PSMD13: variants seen among roughly 807,000 people sequenced by gnomAD.
PSMD13 encodes the protein proteasome 26S subunit, non-ATPase 13, also known as 26S proteasome non-ATPase regulatory subunit 13.
PSMD13 carries 8 observed loss-of-function variants against 57.4 expected under a neutral mutation model. The ratio of observed to expected loss-of-function variants is 0.14; its 90% CI spans 0.08 to 0.25. The LOEUF is 0.25. Among genes scored for constraint, PSMD13 ranks in the 10% least tolerant of loss-of-function variants. PSMD13 has a pLI of 1.00. For synonymous variants in PSMD13, 193 were observed against 168.2 expected, an observed-to-expected ratio of 1.15 and a Z score of -1.14; for missense variants, 400 against 461.5, an observed-to-expected ratio of 0.87 and a Z score of 1.22.
chr11:237,090 C>G lies in PSMD13; in HGVS notation c.41C>G (p.Ser14Cys), dbSNP rs779366786. 2.5e-6 allele frequency: 4 copies of G among 1,613,878 alleles called. No individual in the cohort carries two copies. The highest frequency in any genetic ancestry group is 3.4e-6 in the Non-Finnish European group (4 of 1,179,858). Residue 14 changes from serine to cysteine, a missense_variant, in exon 1 of 13, where the codon TCC becomes TGC. By Grantham distance (112) the Ser-to-Cys change is moderately radical. Transcript: ENST00000532097. ...VPGFLQQSQN[S>C]GPGQPAVWHR... ...GGCTTCCTACAGCAGAGCCAGAACT[C>G]CGGGCCCGGGCAGCCCGCTGTGTGG...
In PSMD13 at chr11:252,104, G is replaced by A. The variant is rs2133994056; in HGVS notation, c.1035+168G>A. Reference sequence around the variant, plus strand: ...GGTTTTTCTAAGAGCCTAATTTAATGCAAGCCTAGGGTTTGAACCCTGCAT... The same window carrying A: ...GGTTTTTCTAAGAGCCTAATTTAATACAAGCCTAGGGTTTGAACCCTGCAT... On this transcript the variant is annotated intron_variant, in intron 12 of 12. Transcript: ENST00000532097. The surrounding 1 kb of genome is among the most constrained non-coding windows in gnomAD (Gnocchi z 4.1). 4 of 645,332 alleles carry A rather than the reference G, an allele frequency of 6.2e-6. No homozygotes were observed. The East Asian group carries it at 1.1e-4, about 18-fold the overall frequency. The allele number at this position is 645,332 out of a possible 1,614,324, so 40.0% of individuals were successfully genotyped here. A position where few individuals can be genotyped will look rare whatever the true frequency, so the allele number is the denominator to read the frequency against.
chr11:251,109 C>T lies in PSMD13; in HGVS notation c.837+244C>T. 1 of 523,950 alleles carries T rather than the reference C, an allele frequency of 1.9e-6. No individual in the cohort carries two copies. Among genetic ancestry groups the T allele is most frequent in the East Asian group, 3.3e-5 (1 of 30,722 alleles). The allele number at this position is 523,950 out of a possible 1,614,324, so 32.5% of individuals were successfully genotyped here. ...CCACCACCCTGAGGCCTTCCCTGAC[C>T]ATCTGAACTGAGATGAAGTAGCTGC... On this transcript the variant is annotated intron_variant, in intron 10 of 12. Coordinates refer to ENST00000532097, the MANE Select transcript of PSMD13 (RefSeq NM_002817.4). This position sits in a 1 kb window ranked among gnomAD's most constrained non-coding sequence, Gnocchi z 4.6.
At chr11:249,566 C>T (rs866078586) in intron 9 of PSMD13, among the ~76,000 whole-genome samples, 1 of 38,666 alleles carries the variant, frequency 2.6e-5, no homozygotes. Flanking sequence ...GCGGCGGGTG[C>T]GGGGAGGGGG....
Position 237,094 on chromosome 11 carries a change from G to A in PSMD13, c.45G>A (p.Gly15=), listed in dbSNP as rs769104294. The A allele has an allele frequency of 1.1e-4, 178 of 1,613,696 alleles. No individual in the cohort carries two copies. The highest frequency in any genetic ancestry group is 1.1e-3 in the Admixed American group (66 of 60,006). The part of the protein sequence containing the change: ...PGFLQQSQNS[G]PGQPAVWHRL... Reference sequence around the variant, plus strand: ...TCCTACAGCAGAGCCAGAACTCCGGGCCCGGGCAGCCCGCTGTGTGGCACC... The same window carrying A: ...TCCTACAGCAGAGCCAGAACTCCGGACCCGGGCAGCCCGCTGTGTGGCACC... Residue 15 remains glycine, a synonymous_variant, in exon 1 of 13, where the codon GGG becomes GGA. Coordinates refer to ENST00000532097, the MANE Select transcript of PSMD13 (RefSeq NM_002817.4).
intron 1 of PSMD13, among the ~76,000 whole-genome samples, 176 bp downstream of exon 1, chr11:237,320 A>G (rs1564818722): frequency 6.6e-6 from 1 of 152,238 alleles, no homozygotes. Context: ...CTTGAGTGGC[A>G]GGGTCGAGGA....
Position 247,402 on chromosome 11 carries a change from A to C in PSMD13, c.522A>C (p.Lys174Asn). The C allele has an allele frequency of 6.2e-7, 1 of 1,614,146 alleles. No individual in the cohort carries two copies. The highest frequency in any genetic ancestry group is 2.2e-5 in the East Asian group (1 of 44,886). Residue 174 changes from lysine (K) to asparagine (N), a missense_variant, in exon 7 of 13, where the codon AAA (lysine) becomes AAC (asparagine). Lys to Asn is a moderately conservative substitution (Grantham distance 94). Transcript: ENST00000532097. The stretch of plus-strand genomic sequence containing the variant: ...TCGGAAACCACGCGTCCTACTACAA[A>C]GATGCTCTGCGGTTTTTGGGCTGTG... ...QTIGNHASYY[K>N]DALRFLGCVD...
intron 2 of PSMD13, among the ~76,000 whole-genome samples, chr11:241,460 G>A (rs1859514232): frequency 6.6e-6 from 1 of 152,160 alleles, no homozygotes; most frequent in Admixed American, 6.5e-5. Context: ...TTATTTAGTT[G>A]ACTGTTTCTT....
intron 1 of PSMD13, among the ~76,000 whole-genome samples, 189 bp downstream of exon 1, chr11:237,333 A>C (rs1859312729): frequency 6.6e-6 from 1 of 152,188 alleles, no homozygotes; most frequent in Admixed American, 6.5e-5. Flanking sequence ...GTCGAGGAAT[A>C]AGAGGGATGA....
At position 236,992 on chromosome 11, in the gene PSMD13, C is replaced by T. The variant is rs907444682; in HGVS notation, c.-58C>T. 15 of 1,433,226 alleles carry T rather than the reference C, an allele frequency of 1.0e-5. No individual in the cohort carries two copies. The highest frequency in any genetic ancestry group is 1.4e-5 in the African/African-American group (1 of 71,028). 88.8% of individuals were successfully genotyped at this position (1,433,226 alleles called of 1,614,324 possible). The stretch of plus-strand genomic sequence containing the variant: ...GAAGTGAGTGAGCATTTCCGGCAGC[C>T]ATCCCCGCGGTGCTGACATCCCGGT... On this transcript the variant is annotated 5_prime_UTR_variant, in exon 1 of 13. Transcript: ENST00000532097.
intron 7 of PSMD13, chr11:248,461 T>C (rs896673811): frequency 5.6e-6 from 2 of 355,492 alleles, no homozygotes; most frequent in Non-Finnish European, 1.0e-5. Flanking sequence ...GTTAGGTAAC[T>C]TAAATTTATT....
chr11:238,229 A>G (rs972964358), intron 1 of PSMD13, among the ~76,000 whole-genome samples: 2 of 152,340 alleles, frequency 1.3e-5, no homozygotes, highest in Admixed American at 6.5e-5. Flanking sequence ...TGAGATACTC[A>G]GCTAATAGGT....
At position 251,016 on chromosome 11, in the gene PSMD13, T is replaced by G. The variant is rs1859756407; in HGVS notation, c.837+151T>G. ...CTCTCTTCACCACCTTCCTTTTCCT[T>G]TGCTACCACTTGCTCTTCTAAGTTT... is the stretch of plus-strand genomic sequence containing the variant. On this transcript the variant is annotated intron_variant, in intron 10 of 12. Transcript: ENST00000532097. This position sits in a 1 kb window ranked among gnomAD's most constrained non-coding sequence, Gnocchi z 4.6. 2.9e-6 allele frequency: 2 copies of G among 678,156 alleles called. No homozygotes were observed. The allele number at this position is 678,156 out of a possible 1,614,324, so 42.0% of individuals were successfully genotyped here.
In PSMD13 at chr11:247,409, C is replaced by G. The variant is rs779560288; in HGVS notation, c.529C>G (p.Leu177Val). 2 of 1,612,832 alleles carry G rather than the reference C, an allele frequency of 1.2e-6. No homozygotes were observed. The highest frequency in any genetic ancestry group is 1.7e-6 in the Non-Finnish European group (2 of 1,179,390). Residue 177 changes from leucine (L) to valine (V), a missense_variant, in exon 7 of 13, where the codon CTG becomes GTG. Physicochemically the swap from Leu to Val is conservative, Grantham distance 32 (BLOSUM62 1). Transcript: ENST00000532097. ...GNHASYYKDALRFLGCVDIKD... is the reference protein window; with the variant it reads ...GNHASYYKDAVRFLGCVDIKD... ...CCACGCGTCCTACTACAAAGATGCT[C>G]TGCGGTTTTTGGGCTGTGTTGACAT...
Position 252,554 on chromosome 11 carries a change from G to A in PSMD13, c.1085G>A (p.Ser362Asn). ...GAGTTCTGGTGCACGGATGTGAAGA[G>A]CATGGAGATGCTGGTGGAGCACCAG... ...RLEFWCTDVKSMEMLVEHQAH... is the reference protein window; with the variant it reads ...RLEFWCTDVKNMEMLVEHQAH... The change falls in exon 13 of 13, where the codon AGC becomes AAC. Residue 362 changes from serine to asparagine, a missense_variant. By Grantham distance (46) the Ser-to-Asn change is conservative (BLOSUM62 1). Coordinates refer to ENST00000532097, the MANE Select transcript of PSMD13 (RefSeq NM_002817.4). The surrounding 1 kb of genome is among the most constrained non-coding windows in gnomAD (Gnocchi z 4.1). 1 of 1,614,146 alleles carries A rather than the reference G, an allele frequency of 6.2e-7. No homozygotes were observed. Among genetic ancestry groups the A allele is most frequent in the East Asian group, 2.2e-5 (1 of 44,888 alleles).
At chr11:248,507 C>T in intron 7 of PSMD13, 2 of 465,062 alleles carry the variant, frequency 4.3e-6, no homozygotes, top group Non-Finnish European at 3.9e-6. Flanking sequence ...AAGGCACTTC[C>T]TGGAAGTGGC....
intron 1 of PSMD13, among the ~76,000 whole-genome samples, 157 bp from the exon 2 acceptor site, chr11:238,841 A>G (rs570608108): frequency 6.6e-6 from 1 of 152,320 alleles, no homozygotes; most frequent in African/African-American, 2.4e-5. Flanking sequence ...TTGGTGCTCA[A>G]AAAGTTTTGG....
intron 6 of PSMD13, among the ~76,000 whole-genome samples, chr11:246,026 G>T (rs1041346281): frequency 5.3e-5 from 8 of 152,170 alleles, no homozygotes; most frequent in Admixed American, 3.3e-4. Flanking sequence ...CCCCAGCCAG[G>T]CTCCCTCTCA....
At chr11:243,987 G>A (rs6598060) in intron 2 of PSMD13, 54 bp from the exon 3 acceptor site, 1,163,952 of 1,531,958 alleles carry the variant, frequency 0.76, 444,401 homozygotes, top group African/African-American at 0.88. Flanking sequence ...TGGGGTCTTC[G>A]TTTTGCAGAA....
chr11:244,413 C>T lies in PSMD13; in HGVS notation c.266-13C>T, dbSNP rs547225940. 2.5e-6 allele frequency: 4 copies of T among 1,608,964 alleles called. No individual in the cohort carries two copies. The East Asian group carries it at 8.9e-5, about 36-fold the overall frequency. On this transcript the variant is annotated splice_polypyrimidine_tract_variant and intron_variant, in intron 4 of 12. Transcript: ENST00000532097. ...TCTGTTGATGGTCCTTCTGATTGTT[C>T]CTTCTTTTCCAGATCCTAATGTGGC...
Sources: gnomAD v4.1 joint callset for allele counts (sites outside exome capture counted in the v4.1 genomes callset) on GRCh38, gnomAD v4.1.1 for gene constraint, Gnocchi (gnomAD v3.1) non-coding constraint, MANE v1.5 for transcripts, NCBI Gene and HGNC (gene_info 2026-07-23, HGNC 2026-07-21) for gene names.